The following KIRREL3 variants were observed in gnomAD, a reference collection of about 807,000 sequenced individuals.
The protein encoded by KIRREL3 is kin of IRRE-like protein 3.
Under a neutral mutation model 89.7 loss-of-function variants are expected in KIRREL3, and 36 were observed. That is an observed-to-expected ratio of 0.40 (90% CI 0.31 to 0.53). The LOEUF is 0.53. Among genes scored for constraint, KIRREL3 ranks in the 20% least tolerant of loss-of-function variants. The pLI is 0.49. For synonymous variants in KIRREL3, 445 were observed against 441.4 expected, an observed-to-expected ratio of 1.01 and a Z score of -0.10; for missense variants, 864 against 1,056.6, an observed-to-expected ratio of 0.82 and a Z score of 2.53.
chr11:126,978,811 G>A lies in KIRREL3; in HGVS notation c.55+21644C>T, dbSNP rs938271316. On this transcript the variant is annotated intron_variant, in intron 1 of 16. Transcript: ENST00000525144. The surrounding 1 kb of genome is among the most constrained non-coding windows in gnomAD (Gnocchi z 4.2). ...CCCACAGGAGCTACCATATGTGGATGTCCCCTGGGTCCCTACCTCTCTGCA... is the reference window on the plus strand; with the variant it reads ...CCCACAGGAGCTACCATATGTGGATATCCCCTGGGTCCCTACCTCTCTGCA... Among the ~76,000 whole-genome samples, 1 of 152,158 alleles carries A rather than the reference G, an allele frequency of 6.6e-6. No homozygotes were observed. The highest frequency in any genetic ancestry group is 2.4e-5 in the African/African-American group (1 of 41,438).
At chr11:126,760,951 G>T (rs1393103086) in intron 1 of KIRREL3, among the ~76,000 whole-genome samples, 1 of 152,208 alleles carries the variant, frequency 6.6e-6, no homozygotes, top group Non-Finnish European at 1.5e-5. Flanking sequence ...GGTCTGGAGT[G>T]GTTAGAGAAG....
intron 1 of KIRREL3, among the ~76,000 whole-genome samples, chr11:126,836,719 TA>T (rs1185238750): frequency 1.3e-5 from 2 of 152,202 alleles, no homozygotes; most frequent in Non-Finnish European, 2.9e-5. Flanking sequence ...TATCATCTCC[TA>T]GTGCACAAGG....
At chr11:126,760,647 C>T (rs1949640971) in intron 1 of KIRREL3, among the ~76,000 whole-genome samples, 2 of 152,148 alleles carry the variant, frequency 1.3e-5, no homozygotes, top group Non-Finnish European at 2.9e-5. Flanking sequence ...AGGATCTATT[C>T]AGGATCTGCA....
At position 126,917,137 on chromosome 11, in the gene KIRREL3, T is replaced by C. The variant is rs998340932; in HGVS notation, c.55+83318A>G. 6.6e-6 allele frequency among the ~76,000 whole-genome samples: 1 copy of C among 152,172 alleles called. No homozygotes were observed. Among genetic ancestry groups the C allele is most frequent in the Non-Finnish European group, 1.5e-5 (1 of 68,026 alleles). The stretch of plus-strand genomic sequence containing the variant: ...ATTCAGCCATAAAAAGGAATAACAT[T>C]CTGATACACAGTATGTTAAAGATTC... On this transcript the variant is annotated intron_variant, in intron 1 of 16. Coordinates refer to ENST00000525144, the MANE Select transcript of KIRREL3 (RefSeq NM_032531.4). This position sits in a 1 kb window ranked among gnomAD's most constrained non-coding sequence, Gnocchi z 5.0.
chr11:126,838,695 A>G (rs760829812), intron 1 of KIRREL3, among the ~76,000 whole-genome samples: 5 of 152,168 alleles, frequency 3.3e-5, no homozygotes, highest in Non-Finnish European at 7.3e-5. Flanking sequence ...TTAATTCTGA[A>G]ATTATTATCT....
intron 4 of KIRREL3, among the ~76,000 whole-genome samples, chr11:126,494,963 G>A (rs1364246340): frequency 2.0e-5 from 3 of 152,364 alleles, no homozygotes; most frequent in African/African-American, 4.8e-5. Flanking sequence ...GGGGAGAAGC[G>A]GGTGAGCAGA....
At chr11:126,542,310 G>A (rs1283338470) in intron 2 of KIRREL3, among the ~76,000 whole-genome samples, 3 of 152,120 alleles carry the variant, frequency 2.0e-5, no homozygotes, top group South Asian at 2.1e-4. Flanking sequence ...TTGGGGCAAC[G>A]TCCTGGGTTT....
intron 1 of KIRREL3, among the ~76,000 whole-genome samples, chr11:126,567,983 A>G (rs1940641948): frequency 6.6e-6 from 1 of 152,148 alleles, no homozygotes; most frequent in African/African-American, 2.4e-5. Flanking sequence ...CCCAGTCACA[A>G]CAGTTCAGGT....
intron 1 of KIRREL3, among the ~76,000 whole-genome samples, chr11:126,603,604 C>T (rs1942757783): frequency 1.3e-5 from 2 of 152,264 alleles, no homozygotes; most frequent in African/African-American, 2.4e-5. Flanking sequence ...ATGCTTGGGT[C>T]TTGGCCCCCT....
At chr11:126,980,010 G>T (rs192130801) in intron 1 of KIRREL3, among the ~76,000 whole-genome samples, 1 of 152,256 alleles carries the variant, frequency 6.6e-6, no homozygotes, top group Non-Finnish European at 1.5e-5. Flanking sequence ...GAACAAGCTG[G>T]ACAGAACTGA....
chr11:126,646,921 A>G (rs1248068345), intron 1 of KIRREL3, among the ~76,000 whole-genome samples: 2 of 152,162 alleles, frequency 1.3e-5, no homozygotes, highest in African/African-American at 4.8e-5. Flanking sequence ...CAATGTGGTC[A>G]TATCACATGT....
At chr11:126,972,684 G>A (rs1949460260) in intron 1 of KIRREL3, among the ~76,000 whole-genome samples, 1 of 152,106 alleles carries the variant, frequency 6.6e-6, no homozygotes, top group Non-Finnish European at 1.5e-5. Flanking sequence ...TCAGCCAGTT[G>A]GCTTCTGTTG....
In KIRREL3 at chr11:126,761,380, C is replaced by T. The variant is rs566175452; in HGVS notation, c.56-198468G>A. On this transcript the variant is annotated intron_variant, in intron 1 of 16. Coordinates refer to ENST00000525144, the MANE Select transcript of KIRREL3 (RefSeq NM_032531.4). This position sits in a 1 kb window ranked among gnomAD's most constrained non-coding sequence, Gnocchi z 4.4. ...ACTCGCTGGGGCCTGTGAGGCACAG[C>T]AACTTGCCTGCTTGTCCCCAGCAAA... Among the ~76,000 whole-genome samples the T allele has an allele frequency of 6.6e-6, 1 of 152,246 alleles. No homozygotes were observed. Among genetic ancestry groups the T allele is most frequent in the South Asian group, 2.1e-4 (1 of 4,830 alleles).
Position 126,519,222 on chromosome 11 carries a change from G to C in KIRREL3, c.433+2093C>G, listed in dbSNP as rs900567863. Among the ~76,000 whole-genome samples the C allele has an allele frequency of 2.0e-5, 3 of 152,202 alleles. No homozygotes were observed. Among genetic ancestry groups the C allele is most frequent in the Non-Finnish European group, 2.9e-5 (2 of 68,042 alleles). ...TTAGACATGACCTAAGACAAAATCG[G>C]GTCTGTTCAGGTTGGATCCTGAGGC... On this transcript the variant is annotated intron_variant, in intron 4 of 16. Coordinates refer to ENST00000525144, the MANE Select transcript of KIRREL3 (RefSeq NM_032531.4). This position sits in a 1 kb window ranked among gnomAD's most constrained non-coding sequence, Gnocchi z 4.3.
In KIRREL3 at chr11:126,796,234, T is replaced by C. The variant is rs73022574; in HGVS notation, c.55+204221A>G. 0.054 allele frequency among the ~76,000 whole-genome samples: 8,107 copies of C among 151,338 alleles called. 281 individuals carry two copies. The highest frequency in any genetic ancestry group is 0.077 in the Admixed American group (1,178 of 15,206). ...ACACAACATAAAATCAGACTGATTC[T>C]ATGTTAAAATGGTGAACAAAAAAAC... On this transcript the variant is annotated intron_variant, in intron 1 of 16. Coordinates refer to ENST00000525144, the MANE Select transcript of KIRREL3 (RefSeq NM_032531.4). The surrounding 1 kb of genome is among the most constrained non-coding windows in gnomAD (Gnocchi z 5.1).
At chr11:126,556,826 A>G (rs1005833797) in intron 2 of KIRREL3, among the ~76,000 whole-genome samples, 1 of 152,238 alleles carries the variant, frequency 6.6e-6, no homozygotes, top group Non-Finnish European at 1.5e-5. Context: ...AGCGAAATAA[A>G]TAACAATCAT....
intron 1 of KIRREL3, among the ~76,000 whole-genome samples, chr11:126,974,822 C>G (rs559276997): frequency 1.3e-5 from 2 of 152,328 alleles, no homozygotes; most frequent in African/African-American, 4.8e-5. Flanking sequence ...CCTCCCACCT[C>G]AGCCTCCTGA....
Position 126,931,235 on chromosome 11 carries a change from G to A in KIRREL3, c.55+69220C>T, listed in dbSNP as rs1326595062. 6.6e-6 allele frequency among the ~76,000 whole-genome samples: 1 copy of A among 152,164 alleles called. No homozygotes were observed. Among genetic ancestry groups the A allele is most frequent in the Non-Finnish European group, 1.5e-5 (1 of 68,036 alleles). On this transcript the variant is annotated intron_variant, in intron 1 of 16. Transcript: ENST00000525144. The surrounding 1 kb of genome is among the most constrained non-coding windows in gnomAD (Gnocchi z 5.1). ...ACACTGTTGTTTCTTGGACACTGTT[G>A]TTATCTCCAGAACCTATCGCAGTGT...
rs1944958004 is a variant in KIRREL3 at position 126,652,813 on chromosome 11, C to T, written c.56-89901G>A. 1 of 152,204 alleles carries T rather than the reference C, an allele frequency of 6.6e-6. No homozygotes were observed. Among genetic ancestry groups the T allele is most frequent in the Non-Finnish European group, 1.5e-5 (1 of 68,040 alleles). The allele number at this position is 152,204 out of a possible 1,614,324, so 9.4% of individuals were successfully genotyped here. A position where few individuals can be genotyped will look rare whatever the true frequency, so the allele number is the denominator to read the frequency against. On this transcript the variant is annotated intron_variant, in intron 1 of 16. Coordinates refer to ENST00000525144, the MANE Select transcript of KIRREL3 (RefSeq NM_032531.4). This position sits in a 1 kb window ranked among gnomAD's most constrained non-coding sequence, Gnocchi z 4.9. ...ACCAGGACAGAGGCCTTTCAACTTT[C>T]CTCCCTGAGATCTTCCTCCGTGAAC... is the stretch of plus-strand genomic sequence containing the variant.
Sources: allele counts gnomAD v4.1 joint callset (sites outside exome capture counted in the v4.1 genomes callset), GRCh38; gene constraint gnomAD v4.1.1; non-coding constraint Gnocchi (gnomAD v3.1); transcripts MANE v1.5; gene names NCBI Gene and HGNC (gene_info 2026-07-23, HGNC 2026-07-21).